Variants in ROS1 observed in about 807,000 individuals in gnomAD.
The protein encoded by ROS1 is proto-oncogene tyrosine-protein kinase ROS.
Under a neutral mutation model 273.5 loss-of-function variants are expected in ROS1, and 263 were observed. The ratio of observed to expected loss-of-function variants is 0.96; its 90% CI spans 0.87 to 1.06. The LOEUF (loss-of-function observed/expected upper bound fraction) is 1.06. Among genes scored for constraint, ROS1 ranks in the 50% least tolerant of loss-of-function variants. The pLI, the probability that ROS1 is intolerant of heterozygous loss-of-function variation, is 0.00. For missense variants in ROS1, 2,833 were observed against 2,751.1 expected (o/e 1.03, Z -0.67); for synonymous variants, 1,008 against 954.1 (o/e 1.06, Z -1.04).
intron 1 of ROS1, among the ~76,000 whole-genome samples, chr6:117,420,520 A>G (rs891869261): frequency 1.3e-5 from 2 of 151,514 alleles, no homozygotes; most frequent in African/African-American, 2.4e-5. Flanking sequence ...ACATGGCACA[A>G]GTATACATAT....
intron 22 of ROS1, among the ~76,000 whole-genome samples, chr6:117,361,510 T>A (rs1415567869): frequency 6.7e-6 from 1 of 148,774 alleles, no homozygotes; most frequent in Non-Finnish European, 1.5e-5. Context: ...TTTGCATGGT[T>A]CCATGGTGAC....
chr6:117,319,274 A>G (rs1776122288), intron 37 of ROS1, among the ~76,000 whole-genome samples: 1 of 152,178 alleles, frequency 6.6e-6, no homozygotes, highest in Non-Finnish European at 1.5e-5. Context: ...CTGTGGGCCA[A>G]ATCCAGCCTG....
Position 117,365,725 on chromosome 6 carries a change from G to A in ROS1, c.2814C>T (p.Thr938=), listed in dbSNP as rs1350328375. Residue 938 remains threonine, a synonymous_variant, in exon 20 of 44, where the codon ACC becomes ACT. Transcript: ENST00000368507. The part of the protein sequence containing the change: ...LKPLPGNFSF[T]PKVIPDSVQE... ...GAACAGAATCTGGAATAACCTTAGG[G>A]GTAAAGGAAAAGTTCCCTACAGGAT... is the stretch of plus-strand genomic sequence containing the variant. 6.3e-7 allele frequency: 1 copy of A among 1,577,086 alleles called. No homozygotes were observed. Among genetic ancestry groups the A allele is most frequent in the Non-Finnish European group, 8.6e-7 (1 of 1,167,592 alleles).
chr6:117,381,139 C>T (rs1032287732), intron 17 of ROS1, among the ~76,000 whole-genome samples: 1 of 150,206 alleles, frequency 6.7e-6, no homozygotes, highest in Non-Finnish European at 1.5e-5. Flanking sequence ...TTTGCAAAAG[C>T]AACAACAGCA....
rs1774722033 is a variant in ROS1, at chr6:117,409,515, C to T, written c.316+67G>A. Reference sequence around the variant, plus strand: ...GATGTTTTGAGAGGTGTTTCGTTATCTTTACATAAGTACAAGTCACTAGAG... The same window carrying T: ...GATGTTTTGAGAGGTGTTTCGTTATTTTTACATAAGTACAAGTCACTAGAG... On this transcript the variant is annotated intron_variant, in intron 5 of 43. Coordinates refer to ENST00000368507, the MANE Select transcript of ROS1 (RefSeq NM_001378902.1). 3.6e-6 allele frequency: 4 copies of T among 1,117,910 alleles called. No individual in the cohort carries two copies. The South Asian group carries it at 3.7e-5, about 10-fold the overall frequency. 69.2% of individuals were successfully genotyped at this position (1,117,910 alleles called of 1,614,324 possible). A position where few individuals can be genotyped will look rare whatever the true frequency, so the allele number is the denominator to read the frequency against.
intron 34 of ROS1, among the ~76,000 whole-genome samples, chr6:117,325,925 C>CAGAT (rs1439774130): frequency 6.6e-6 from 1 of 151,412 alleles, no homozygotes; most frequent in Non-Finnish European, 1.5e-5. Flanking sequence ...CTGGATAGAA[C>CAGAT]AGATTGTGAA....
intron 42 of ROS1, among the ~76,000 whole-genome samples, chr6:117,303,567 T>C (rs534770037): frequency 2.0e-5 from 3 of 152,144 alleles, no homozygotes; most frequent in South Asian, 2.1e-4. Context: ...AGTGTGGTCA[T>C]TGAGGGGAAA....
intron 3 of ROS1, 52 bp from the exon 4 acceptor site, chr6:117,414,597 T>G (rs1775195254): frequency 1.4e-6 from 1 of 715,600 alleles, no homozygotes; most frequent in South Asian, 1.6e-5. Flanking sequence ...TGTAAATAAT[T>G]TTAGTGACAC....
chr6:117,354,591 G>T (rs1779143568), intron 26 of ROS1, among the ~76,000 whole-genome samples: 1 of 152,134 alleles, frequency 6.6e-6, no homozygotes, highest in South Asian at 2.1e-4. Flanking sequence ...AGAAACAGTT[G>T]TTTAAGCATG....
intron 27 of ROS1, among the ~76,000 whole-genome samples, chr6:117,348,965 C>A (rs1455017992): frequency 2.0e-5 from 3 of 151,740 alleles, no homozygotes; most frequent in Non-Finnish European, 3.0e-5. Context: ...GATTTCTATT[C>A]TTTTAAATTT....
intron 35 of ROS1, among the ~76,000 whole-genome samples, chr6:117,322,297 C>CCAAT (rs1274852726): frequency 6.6e-6 from 1 of 152,062 alleles, no homozygotes; most frequent in African/African-American, 2.4e-5. Context: ...TTTTAAAGGC[C>CCAAT]CAATGTAAGC....
At chr6:117,411,080 T>C (rs1035302253) in intron 4 of ROS1, among the ~76,000 whole-genome samples, 106 of 152,222 alleles carry the variant, frequency 7.0e-4, no homozygotes, top group African/African-American at 2.5e-3. Context: ...ATATAGGTAG[T>C]CTTGACAATC....
At chr6:117,293,994 C>A (rs1164838599) in intron 43 of ROS1, among the ~76,000 whole-genome samples, 1 of 152,052 alleles carries the variant, frequency 6.6e-6, no homozygotes, top group Non-Finnish European at 1.5e-5. Context: ...AAGGATAGTT[C>A]AACAAATGTG....
intron 32 of ROS1, among the ~76,000 whole-genome samples, chr6:117,333,157 T>C (rs1777215953): frequency 2.0e-5 from 3 of 151,480 alleles, no homozygotes; most frequent in Non-Finnish European, 4.4e-5. Flanking sequence ...AAAAAAATGA[T>C]AAAGGGGATA....
intron 32 of ROS1, among the ~76,000 whole-genome samples, chr6:117,333,701 T>C (rs1190890612): frequency 4.6e-5 from 7 of 152,146 alleles, no homozygotes; most frequent in African/African-American, 1.7e-4. Context: ...AATCAATAAA[T>C]GTAATCCATC....
intron 28 of ROS1, among the ~76,000 whole-genome samples, chr6:117,343,781 T>C (rs753645646): frequency 1.8e-4 from 28 of 152,148 alleles, no homozygotes; most frequent in Non-Finnish European, 3.4e-4. Context: ...GATAATTAGA[T>C]AATCAGGGAG....
chr6:117,291,638 A>T (rs1773845683), intron 43 of ROS1, among the ~76,000 whole-genome samples: 1 of 152,224 alleles, frequency 6.6e-6, no homozygotes, highest in African/African-American at 2.4e-5. Context: ...CATCTGTAAA[A>T]TGGTGATATA....
chr6:117,291,376 T>C (rs1263060052), intron 43 of ROS1, among the ~76,000 whole-genome samples: 2 of 152,232 alleles, frequency 1.3e-5, no homozygotes, highest in African/African-American at 4.8e-5. Context: ...AACAACTTGG[T>C]ACCTAAATAG....
At chr6:117,411,993 C>A (rs1377329308) in intron 4 of ROS1, among the ~76,000 whole-genome samples, 1 of 152,152 alleles carries the variant, frequency 6.6e-6, no homozygotes, top group Non-Finnish European at 1.5e-5. Context: ...CAAGCCAAGA[C>A]TTCAGTCATT....
Sources: gnomAD v4.1 joint callset for allele counts (sites outside exome capture counted in the v4.1 genomes callset) on GRCh38, gnomAD v4.1.1 for gene constraint, MANE v1.5 for transcripts, NCBI Gene and HGNC (gene_info 2026-07-23, HGNC 2026-07-21) for gene names.